THSD4: variants seen among roughly 807,000 people sequenced by gnomAD.
THSD4 encodes the protein thrombospondin type 1 domain containing 4.
In THSD4, 69 loss-of-function variants were observed where a neutral mutation model predicts 119.0. The observed-to-expected ratio is 0.58, with a 90% CI of 0.48 to 0.71. The LOEUF is 0.71. THSD4 is among the 30% of genes least tolerant of loss of function. The pLI is 0.00. For synonymous variants in THSD4, 524 were observed against 540.4 expected, an observed-to-expected ratio of 0.97 and a Z score of 0.42; for missense variants, 1,393 against 1,391.1, an observed-to-expected ratio of 1.00 and a Z score of -0.02.
intron 3 of THSD4, among the ~76,000 whole-genome samples, chr15:71,199,077 A>T (rs917060750): frequency 6.6e-6 from 1 of 152,242 alleles, no homozygotes; most frequent in Non-Finnish European, 1.5e-5. Context: ...TGCACCAAGA[A>T]GCAAACTGGC....
chr15:71,525,062 T>C (rs1443469705), intron 7 of THSD4, among the ~76,000 whole-genome samples: 1 of 151,450 alleles, frequency 6.6e-6, no homozygotes, highest in Non-Finnish European at 1.5e-5. Flanking sequence ...AGAAGGAAAA[T>C]GGTGGTATCA....
chr15:71,743,231 C>T (rs2053270410), intron 11 of THSD4, among the ~76,000 whole-genome samples: 1 of 152,086 alleles, frequency 6.6e-6, no homozygotes, highest in Admixed American at 6.5e-5. Context: ...ACCCATCTTC[C>T]CAAGACACAG....
chr15:71,587,761 C>A, intron 7 of THSD4, among the ~76,000 whole-genome samples: 1 of 68,574 alleles, frequency 1.5e-5, no homozygotes. Context: ...TACCCTAAAA[C>A]TTAGAGTATA....
At chr15:71,357,655 C>A (rs1312057062) in intron 6 of THSD4, among the ~76,000 whole-genome samples, 1 of 152,164 alleles carries the variant, frequency 6.6e-6, no homozygotes, top group Non-Finnish European at 1.5e-5. Flanking sequence ...TGGGCAGAAT[C>A]CAGCAACCGG....
chr15:71,573,408 T>C (rs1186452948), intron 7 of THSD4, among the ~76,000 whole-genome samples: 1 of 152,160 alleles, frequency 6.6e-6, no homozygotes, highest in Non-Finnish European at 1.5e-5. Flanking sequence ...GAAACTTCAT[T>C]TTTTAGTGAA....
intron 8 of THSD4, among the ~76,000 whole-genome samples, chr15:71,700,802 ACTC>A (rs2052271694): frequency 6.6e-6 from 1 of 152,086 alleles, no homozygotes; most frequent in Admixed American, 6.5e-5. Context: ...TGAGGAAACA[ACTC>A]AATAATCAGC....
intron 8 of THSD4, among the ~76,000 whole-genome samples, chr15:71,668,880 A>T (rs578062384): frequency 7.2e-5 from 11 of 152,348 alleles, no homozygotes; most frequent in African/African-American, 2.6e-4. Flanking sequence ...AAGATAAATA[A>T]CTGGAAAAGT....
chr15:71,131,527 A>G (rs2040504415), intron 1 of THSD4, among the ~76,000 whole-genome samples: 1 of 152,224 alleles, frequency 6.6e-6, no homozygotes. Flanking sequence ...ATGGGCAAAT[A>G]AGGTTGTAAA....
rs752873175 is a variant in THSD4 at position 71,731,225 on chromosome 15, C to G, written c.1630+8C>G. On this transcript the variant is annotated splice_region_variant and intron_variant, in intron 10 of 17. Transcript: ENST00000261862. Reference sequence around the variant, plus strand: ...CACCCCACAGGAGACCAGGTAGAATCCCTTGTCTTGTGGCCGGGGACTCTG... The same window carrying G: ...CACCCCACAGGAGACCAGGTAGAATGCCTTGTCTTGTGGCCGGGGACTCTG... The G allele has an allele frequency of 9.9e-6, 16 of 1,613,298 alleles. No individual in the cohort carries two copies. In the East Asian group the frequency reaches 3.3e-4, roughly 34 times the overall value.
intron 6 of THSD4, among the ~76,000 whole-genome samples, chr15:71,336,242 C>T (rs1254150513): frequency 6.6e-6 from 1 of 152,172 alleles, no homozygotes; most frequent in African/African-American, 2.4e-5. Context: ...CAACCTTGGT[C>T]TGAGTGGTGA....
At chr15:71,731,003 G>A (rs1595897513) in intron 9 of THSD4, 118 bp from the exon 10 acceptor site, 4 of 801,526 alleles carry the variant, frequency 5.0e-6, no homozygotes, top group Middle Eastern at 4.5e-4. Flanking sequence ...GATATTACTG[G>A]ATGCGTACTA....
At chr15:71,490,229 A>G (rs1178806506) in intron 7 of THSD4, among the ~76,000 whole-genome samples, 1 of 151,902 alleles carries the variant, frequency 6.6e-6, no homozygotes, top group Non-Finnish European at 1.5e-5. Flanking sequence ...GTTCGAGACC[A>G]GTCTGGCCAA....
chr15:71,316,745 G>A (rs2045191788), intron 6 of THSD4, among the ~76,000 whole-genome samples: 1 of 152,158 alleles, frequency 6.6e-6, no homozygotes, highest in Non-Finnish European at 1.5e-5. Flanking sequence ...ACAAGCAGCA[G>A]GGTCTGGCTG....
chr15:71,748,906 T>C (rs1190331411), intron 14 of THSD4, among the ~76,000 whole-genome samples: 6 of 152,160 alleles, frequency 3.9e-5, no homozygotes, highest in Non-Finnish European at 7.4e-5. Context: ...TGGTGTCTCA[T>C]AGACACTCAG....
chr15:71,729,093 A>C lies in THSD4; in HGVS notation c.1533+369A>C, dbSNP rs991224450. On this transcript the variant is annotated intron_variant, in intron 9 of 17. Coordinates refer to ENST00000261862, the MANE Select transcript of THSD4 (RefSeq NM_024817.3). ...TTGGCATGTTTTCTTTTTATGGCAA[A>C]AGAAAGCAAGAGCCTAAAGGAAGGC... The C allele has an allele frequency of 4.7e-5, 12 of 253,098 alleles. No individual in the cohort carries two copies. The East Asian group carries it at 9.1e-4, about 19-fold the overall frequency. The allele number at this position is 253,098 out of a possible 1,614,324, so 15.7% of individuals were successfully genotyped here. A position where few individuals can be genotyped will look rare whatever the true frequency, so the allele number is the denominator to read the frequency against.
intron 4 of THSD4, among the ~76,000 whole-genome samples, chr15:71,228,942 A>G (rs1186002538): frequency 6.6e-6 from 1 of 152,246 alleles, no homozygotes; most frequent in African/African-American, 2.4e-5. Flanking sequence ...TGATTGGACC[A>G]CAGTTCATTG....
At chr15:71,602,308 C>T (rs904526032) in intron 7 of THSD4, among the ~76,000 whole-genome samples, 1 of 151,918 alleles carries the variant, frequency 6.6e-6, no homozygotes, top group African/African-American at 2.4e-5. Context: ...AATCCCAGCA[C>T]TTTGGGAGGC....
At chr15:71,569,313 GAAGA>G (rs1479310118) in intron 7 of THSD4, among the ~76,000 whole-genome samples, 2 of 152,024 alleles carry the variant, frequency 1.3e-5, no homozygotes, top group Non-Finnish European at 2.9e-5. Context: ...GGGAGGAAAA[GAAGA>G]AAGAGAGAGA....
At chr15:71,368,638 G>A (rs1175505403) in intron 6 of THSD4, among the ~76,000 whole-genome samples, 4 of 152,092 alleles carry the variant, frequency 2.6e-5, no homozygotes, top group Non-Finnish European at 4.4e-5. Flanking sequence ...TGTTCCATTG[G>A]TCTATATCTC....
Sources: allele counts gnomAD v4.1 joint callset (sites outside exome capture counted in the v4.1 genomes callset), GRCh38; gene constraint gnomAD v4.1.1; transcripts MANE v1.5; gene names NCBI Gene and HGNC (gene_info 2026-07-23, HGNC 2026-07-21).